CATSPERB: variants seen among roughly 807,000 people sequenced by gnomAD.
The protein encoded by CATSPERB is cation channel sperm-associated auxiliary subunit beta.
CATSPERB carries 93 observed loss-of-function variants against 128.3 expected under a neutral mutation model. The observed-to-expected ratio is 0.72, with a 90% CI of 0.61 to 0.86. The LOEUF (loss-of-function observed/expected upper bound fraction) is 0.86. Ranked by LOEUF, CATSPERB falls within the 40% of genes least tolerant of loss-of-function variation. The pLI is 0.00. For missense variants in CATSPERB, 1,153 were observed against 1,329.5 expected, an observed-to-expected ratio of 0.87 and a Z score of 2.06; for synonymous variants, 381 against 448.8, an observed-to-expected ratio of 0.85 and a Z score of 1.91.
intron 14 of CATSPERB, among the ~76,000 whole-genome samples, chr14:91,660,483 T>C (rs2756166): frequency 0.78 from 117,912 of 152,084 alleles, 45,943 homozygotes; most frequent in East Asian, 0.92. Context: ...AAATCACTTA[T>C]CTCACTGTAT....
chr14:91,655,119 T>A (rs181704377), intron 15 of CATSPERB, among the ~76,000 whole-genome samples: 4 of 152,342 alleles, frequency 2.6e-5, no homozygotes, highest in African/African-American at 9.6e-5. Context: ...GGGCTTGAGG[T>A]ACCTCCTAAT....
intron 5 of CATSPERB, among the ~76,000 whole-genome samples, chr14:91,713,834 T>C (rs1320563789): frequency 3.3e-5 from 5 of 152,074 alleles, no homozygotes; most frequent in Admixed American, 2.0e-4. Context: ...ATGACAACCT[T>C]ACTCAGATAC....
At position 91,580,938 on chromosome 14, in the gene CATSPERB, G is replaced by C. The variant is rs768070435; in HGVS notation, c.3302C>G (p.Ser1101Ter). Residue 1101 changes from serine (S) to a stop codon, truncating the protein, a stop_gained, in exon 27 of 27, where the codon TCA (serine) becomes TGA (stop). Coordinates refer to ENST00000256343, the MANE Select transcript of CATSPERB (RefSeq NM_024764.4). LOFTEE classifies it low-confidence loss of function (END_TRUNC). The stretch of plus-strand genomic sequence containing the variant: ...AATCAGCTCACTGAGAGAGATACTT[G>C]AAAACTTCTCTTGGTTTCTTCTAAT... Reference protein sequence around the residue: ...RWIRRNQEKFSSISLSELIHR... With the variant: ...RWIRRNQEKF The C allele has an allele frequency of 6.2e-7, 1 of 1,614,066 alleles. No individual in the cohort carries two copies. Among genetic ancestry groups the C allele is most frequent in the South Asian group, 1.1e-5 (1 of 91,088 alleles).
At chr14:91,633,375 T>C (rs1285608) in intron 17 of CATSPERB, among the ~76,000 whole-genome samples, 118,573 of 151,860 alleles carry the variant, frequency 0.78, 46,478 homozygotes, top group East Asian at 0.97. Context: ...AAAAAACAAA[T>C]TTTCAAGGAA....
rs768070435 is a variant in CATSPERB at position 91,580,938 on chromosome 14, G to A, written c.3302C>T (p.Ser1101Leu). ...RWIRRNQEKF[S>L]SISLSELIHR... ...AATCAGCTCACTGAGAGAGATACTT[G>A]AAAACTTCTCTTGGTTTCTTCTAAT... The change falls in exon 27 of 27, where the codon TCA (serine) becomes TTA (leucine). Residue 1101 changes from serine to leucine, a missense_variant. Coordinates refer to ENST00000256343, the MANE Select transcript of CATSPERB (RefSeq NM_024764.4). 1 of 1,614,184 alleles carries A rather than the reference G, an allele frequency of 6.2e-7. No individual in the cohort carries two copies. Among genetic ancestry groups the A allele is most frequent in the Non-Finnish European group, 8.5e-7 (1 of 1,180,016 alleles).
intron 14 of CATSPERB, 135 bp from the exon 15 acceptor site, chr14:91,660,116 T>TCACACACACA (rs56413235): frequency 4.2e-6 from 1 of 238,612 alleles, no homozygotes; most frequent in Non-Finnish European, 7.2e-6. Flanking sequence ...TCTCTCTCTC[T>TCACACACACA]CACACACACA....
intron 5 of CATSPERB, among the ~76,000 whole-genome samples, chr14:91,716,779 T>C (rs549427372): frequency 1.3e-5 from 2 of 151,566 alleles, no homozygotes; most frequent in African/African-American, 4.8e-5. Context: ...AGTTCTGGCC[T>C]GGATGCAGAT....
chr14:91,722,091 A>G (rs1896044300), intron 4 of CATSPERB, among the ~76,000 whole-genome samples: 1 of 152,184 alleles, frequency 6.6e-6, no homozygotes, highest in Non-Finnish European at 1.5e-5. Flanking sequence ...TGCTAGTGAG[A>G]ATGTAAAATA....
Position 91,693,168 on chromosome 14 carries a change from A to G in CATSPERB, c.789T>C (p.Phe263=). The G allele has an allele frequency of 6.2e-7, 1 of 1,613,776 alleles. No individual in the cohort carries two copies. Among genetic ancestry groups the G allele is most frequent in the Non-Finnish European group, 8.5e-7 (1 of 1,179,772 alleles). The change falls in exon 9 of 27, where the codon TTT becomes TTC. Residue 263 remains phenylalanine, a synonymous_variant. Coordinates refer to ENST00000256343, the MANE Select transcript of CATSPERB (RefSeq NM_024764.4). ...ATGGATAACGAAGATCTTCACTTACAAAAAGGCCCAAAGAGGTGAGGATAA... is the reference window on the plus strand; with the variant it reads ...ATGGATAACGAAGATCTTCACTTACGAAAAGGCCCAAAGAGGTGAGGATAA... ...FLVILTSLGL[F]VSEDLRYPSR... is the part of the protein sequence containing the mutation.
intron 22 of CATSPERB, among the ~76,000 whole-genome samples, chr14:91,602,508 CA>C (rs1373222656): frequency 2.0e-5 from 3 of 151,508 alleles, no homozygotes; most frequent in Non-Finnish European, 4.4e-5. Context: ...TCAAATAATA[CA>C]AAAAAATCCA....
At chr14:91,585,259 C>T (rs1367121377) in intron 26 of CATSPERB, among the ~76,000 whole-genome samples, 1 of 152,184 alleles carries the variant, frequency 6.6e-6, no homozygotes, top group Non-Finnish European at 1.5e-5. Flanking sequence ...AAGCGATCCA[C>T]CCACCTTGGC....
Position 91,605,157 on chromosome 14 carries a change from G to A in CATSPERB, c.2709+3137C>T. On this transcript the variant is annotated intron_variant, in intron 22 of 26. Transcript: ENST00000256343. ...TAAATAAGCAGATCCACGGAGGAAG[G>A]AAGAGGAGAGACAGTCTCCATGTGA... The A allele has an allele frequency of 1.6e-5, 22 of 1,384,248 alleles. No homozygotes were observed. The South Asian group carries it at 2.2e-4, about 14-fold the overall frequency. The allele number at this position is 1,384,248 out of a possible 1,614,324, so 85.7% of individuals were successfully genotyped here.
At chr14:91,603,694 G>A (rs981004375) in intron 22 of CATSPERB, among the ~76,000 whole-genome samples, 6 of 152,164 alleles carry the variant, frequency 3.9e-5, no homozygotes, top group African/African-American at 1.4e-4. Context: ...AAGGTAAAAG[G>A]GAGTGAGGCA....
intron 11 of CATSPERB, among the ~76,000 whole-genome samples, chr14:91,677,682 T>C (rs1419521045): frequency 1.3e-5 from 2 of 152,190 alleles, no homozygotes; most frequent in African/African-American, 4.8e-5. Flanking sequence ...AGAAATGTCA[T>C]TTGACCTAGC....
chr14:91,596,028 C>T (rs1018113879), intron 22 of CATSPERB, among the ~76,000 whole-genome samples: 3 of 152,112 alleles, frequency 2.0e-5, no homozygotes, highest in African/African-American at 4.8e-5. Flanking sequence ...AAGATTACTT[C>T]CGTTTTCTAT....
intron 2 of CATSPERB, among the ~76,000 whole-genome samples, chr14:91,727,252 C>A (rs992736297): frequency 7.2e-5 from 11 of 152,122 alleles, no homozygotes; most frequent in African/African-American, 2.2e-4. Context: ...CCTCCCTGAT[C>A]CATTTCTCCT....
intron 22 of CATSPERB, among the ~76,000 whole-genome samples, chr14:91,594,987 A>T (rs1595138504): frequency 2.0e-5 from 3 of 152,328 alleles, no homozygotes; most frequent in Admixed American, 1.3e-4. Context: ...AAATTGAAAA[A>T]ATTATTTTGA....
chr14:91,594,229 A>C (rs1422305870), intron 22 of CATSPERB, among the ~76,000 whole-genome samples: 1 of 152,124 alleles, frequency 6.6e-6, no homozygotes, highest in African/African-American at 2.4e-5. Context: ...TCACAAGGAC[A>C]AAAAACCAAA....
At chr14:91,621,477 T>C (rs933051030) in intron 19 of CATSPERB, 131 bp downstream of exon 19, 2 of 655,272 alleles carry the variant, frequency 3.1e-6, no homozygotes, top group African/African-American at 1.8e-5. Context: ...TAGGCACTAA[T>C]ACTGTTAGTA....
Sources: gnomAD v4.1 joint callset for allele counts (sites outside exome capture counted in the v4.1 genomes callset) on GRCh38, gnomAD v4.1.1 for gene constraint, MANE v1.5 for transcripts, NCBI Gene and HGNC (gene_info 2026-07-23, HGNC 2026-07-21) for gene names.